CCSER1: variants seen among roughly 807,000 people sequenced by gnomAD.
CCSER1 encodes the protein coiled-coil serine rich protein 1, also known as serine-rich coiled-coil domain-containing protein 1.
Under a neutral mutation model 82.0 loss-of-function variants are expected in CCSER1, and 41 were observed. That is an observed-to-expected ratio of 0.50 (90% CI 0.39 to 0.65). The LOEUF is 0.65. Among genes scored for constraint, CCSER1 ranks in the 30% least tolerant of loss-of-function variants. The pLI is 0.00. For synonymous variants in CCSER1, 414 were observed against 383.9 expected (o/e 1.08, Z -0.92); for missense variants, 1,119 against 1,064.2 (o/e 1.05, Z -0.72).
chr4:90,641,046 C>T (rs981908378), intron 6 of CCSER1, among the ~76,000 whole-genome samples: 4 of 152,038 alleles, frequency 2.6e-5, no homozygotes, highest in African/African-American at 9.7e-5. Context: ...CTGGTCTCTT[C>T]CAAAAGTGTA....
chr4:90,713,136 A>G (rs1261874652), intron 6 of CCSER1, among the ~76,000 whole-genome samples: 1 of 151,898 alleles, frequency 6.6e-6, no homozygotes, highest in East Asian at 1.9e-4. Flanking sequence ...CATTTAGCCC[A>G]TTGACATTCA....
At chr4:91,135,371 C>T (rs1728370831) in intron 10 of CCSER1, among the ~76,000 whole-genome samples, 2 of 152,082 alleles carry the variant, frequency 1.3e-5, no homozygotes, top group Admixed American at 1.3e-4. Flanking sequence ...GCTAAAAAGA[C>T]ATGACCAAAA....
intron 10 of CCSER1, among the ~76,000 whole-genome samples, chr4:91,468,651 TTA>T (rs929125066): frequency 1.3e-5 from 2 of 152,058 alleles, no homozygotes; most frequent in African/African-American, 2.4e-5. Context: ...TTGTATATGT[TTA>T]TGTTTTTATA....
At chr4:91,441,348 A>G (rs1755123975) in intron 10 of CCSER1, among the ~76,000 whole-genome samples, 1 of 152,230 alleles carries the variant, frequency 6.6e-6, no homozygotes, top group Non-Finnish European at 1.5e-5. Flanking sequence ...CCCAGCATAT[A>G]AACAGAACCA....
At chr4:91,146,678 A>T (rs1358686853) in intron 10 of CCSER1, among the ~76,000 whole-genome samples, 1 of 150,498 alleles carries the variant, frequency 6.6e-6, no homozygotes, top group African/African-American at 2.4e-5. Context: ...GTTTATAGTC[A>T]ATTGGCTTTA....
intron 10 of CCSER1, among the ~76,000 whole-genome samples, chr4:91,216,382 C>G (rs185891715): frequency 6.6e-6 from 1 of 152,188 alleles, no homozygotes; most frequent in African/African-American, 2.4e-5. Context: ...TGCAGTGGCA[C>G]GATCTCGGCT....
intron 6 of CCSER1, among the ~76,000 whole-genome samples, chr4:90,646,933 A>G (rs1727713076): frequency 6.6e-6 from 1 of 151,978 alleles, no homozygotes; most frequent in Admixed American, 6.6e-5. Flanking sequence ...ATTGCTTAGT[A>G]CTCTCTACAA....
In CCSER1 at chr4:91,255,252, C is replaced by T. The variant is rs1488864264; in HGVS notation, c.2217+169258C>T. On this transcript the variant is annotated intron_variant, in intron 10 of 10. Transcript: ENST00000509176. Reference sequence around the variant, plus strand: ...ATTTATTTTTCTGAGTCAATTTCTTCACCTGAAAAAAGAATATAATAAAAA... The same window carrying T: ...ATTTATTTTTCTGAGTCAATTTCTTTACCTGAAAAAAGAATATAATAAAAA... 3.3e-5 allele frequency among the ~76,000 whole-genome samples: 5 copies of T among 152,046 alleles called. No individual in the cohort carries two copies. The East Asian group carries it at 9.6e-4, about 29-fold the overall frequency.
At chr4:90,275,014 C>T (rs1727275952) in intron 1 of CCSER1, among the ~76,000 whole-genome samples, 1 of 152,080 alleles carries the variant, frequency 6.6e-6, no homozygotes, top group African/African-American at 2.4e-5. Context: ...TTTCTATGAG[C>T]AAATGAAATT....
rs537954040 is a variant in CCSER1, at chr4:91,291,391, C to T, written c.2217+205397C>T. Among the ~76,000 whole-genome samples, 3 of 152,036 alleles carry T rather than the reference C, an allele frequency of 2.0e-5. No individual in the cohort carries two copies. In the South Asian group the frequency reaches 6.2e-4, roughly 32 times the overall value. ...TCTGTATTTGTTAGTTCTCGCACTG[C>T]TACGAAGAAACACCCGAGACTGGGG... On this transcript the variant is annotated intron_variant, in intron 10 of 10. Coordinates refer to ENST00000509176, the MANE Select transcript of CCSER1 (RefSeq NM_001145065.2).
rs1053266728 is a variant in CCSER1, at chr4:90,968,620, C to A, written c.2172+45173C>A. 5.1e-4 allele frequency among the ~76,000 whole-genome samples: 78 copies of A among 152,180 alleles called. 1 individual carries two copies. The highest frequency in any genetic ancestry group is 1.8e-3 in the African/African-American group (74 of 41,486). On this transcript the variant is annotated intron_variant, in intron 9 of 10. Transcript: ENST00000509176. Reference sequence around the variant, plus strand: ...TCAAGAGGGAACAGGAGGAGTGGAACAGGTACATCCATAGAAAAGGTCTGG... The same window carrying A: ...TCAAGAGGGAACAGGAGGAGTGGAAAAGGTACATCCATAGAAAAGGTCTGG...
At chr4:90,467,638 G>A (rs559003497) in intron 4 of CCSER1, among the ~76,000 whole-genome samples, 2 of 151,576 alleles carry the variant, frequency 1.3e-5, no homozygotes, top group African/African-American at 2.4e-5. Flanking sequence ...AGCCAAGATC[G>A]TGCCACTGCA....
In CCSER1 at chr4:91,164,396, C is replaced by A. The variant is rs1731797020; in HGVS notation, c.2217+78402C>A. On this transcript the variant is annotated intron_variant, in intron 10 of 10. Transcript: ENST00000509176. Reference sequence around the variant, plus strand: ...TTCATTTCAACCTTGGTGAATCTGACAATTATGTGTCTTGGGGTTGCTCTT... The same window carrying A: ...TTCATTTCAACCTTGGTGAATCTGAAAATTATGTGTCTTGGGGTTGCTCTT... 2.0e-5 allele frequency among the ~76,000 whole-genome samples: 3 copies of A among 152,188 alleles called. No homozygotes were observed. The South Asian group carries it at 6.2e-4, about 32-fold the overall frequency.
chr4:91,230,861 A>C (rs1321293215), intron 10 of CCSER1, among the ~76,000 whole-genome samples: 2 of 151,912 alleles, frequency 1.3e-5, no homozygotes, highest in African/African-American at 4.8e-5. Flanking sequence ...TAAAGTCATT[A>C]GGTTTCGAAT....
At chr4:90,139,360 T>C (rs1260407229) in intron 1 of CCSER1, among the ~76,000 whole-genome samples, 1 of 152,208 alleles carries the variant, frequency 6.6e-6, no homozygotes, top group East Asian at 1.9e-4. Flanking sequence ...AGAAATTCCC[T>C]GTATTCCAAG....
intron 9 of CCSER1, among the ~76,000 whole-genome samples, chr4:90,947,071 C>G (rs906069745): frequency 5.9e-5 from 9 of 152,062 alleles, no homozygotes; most frequent in East Asian, 1.9e-4. Flanking sequence ...AAATTTCCAC[C>G]CAGAAGTGAC....
intron 10 of CCSER1, among the ~76,000 whole-genome samples, chr4:91,310,143 T>G (rs570812552): frequency 6.6e-6 from 1 of 152,064 alleles, no homozygotes; most frequent in East Asian, 2.0e-4. Flanking sequence ...GAGTGGAAGC[T>G]TAGCTAGTTT....
intron 4 of CCSER1, among the ~76,000 whole-genome samples, chr4:90,456,071 A>G (rs533360362): frequency 2.1e-4 from 32 of 152,122 alleles, no homozygotes; most frequent in Non-Finnish European, 4.1e-4. Context: ...AAGCTGTGGG[A>G]CCAGGTCCTC....
chr4:91,074,869 A>T (rs530085171), intron 9 of CCSER1, among the ~76,000 whole-genome samples: 1 of 152,308 alleles, frequency 6.6e-6, no homozygotes, highest in African/African-American at 2.4e-5. Context: ...GTCACAACGA[A>T]ATCTCTGAAG....
Sources: allele counts gnomAD v4.1 joint callset (sites outside exome capture counted in the v4.1 genomes callset), GRCh38; gene constraint gnomAD v4.1.1; transcripts MANE v1.5; gene names NCBI Gene and HGNC (gene_info 2026-07-23, HGNC 2026-07-21).